The following ARHGEF11 variants were observed in gnomAD, a reference collection of about 807,000 sequenced individuals.
ARHGEF11 encodes Rho guanine nucleotide exchange factor 11, also known as Rho guanine exchange factor (GEF) 11.
Under a neutral mutation model 193.7 loss-of-function variants are expected in ARHGEF11, and 55 were observed. The ratio of observed to expected loss-of-function variants is 0.28; its 90% CI spans 0.23 to 0.36. The LOEUF (loss-of-function observed/expected upper bound fraction) is 0.36. Among genes scored for constraint, ARHGEF11 ranks in the 10% least tolerant of loss-of-function variants. The pLI, the probability that ARHGEF11 is intolerant of heterozygous loss-of-function variation, is 1.00. For missense variants in ARHGEF11, 1,723 were observed against 2,005.6 expected (o/e 0.86, Z 2.69); for synonymous variants, 693 against 768.0 (o/e 0.90, Z 1.62).
Position 156,950,165 on chromosome 1 carries a change from A to G in ARHGEF11, c.1925+1408T>C, listed in dbSNP as rs531386959. ...CGTATTTAACTTACCCATTAATGTT[A>G]GAACTCAACCTTCCCCCAGTACAAA... On this transcript the variant is annotated intron_variant, in intron 22 of 40. Transcript: ENST00000368194. 2.6e-5 allele frequency among the ~76,000 whole-genome samples: 4 copies of G among 152,358 alleles called. No individual in the cohort carries two copies. In the South Asian group the frequency reaches 8.3e-4, roughly 32 times the overall value.
In ARHGEF11 at chr1:156,948,176, C is replaced by A; in HGVS notation, c.2153+5G>T. 6.4e-7 allele frequency: 1 copy of A among 1,562,198 alleles called. No individual in the cohort carries two copies. Among genetic ancestry groups the A allele is most frequent in the Non-Finnish European group, 8.7e-7 (1 of 1,152,182 alleles). On this transcript the variant is annotated splice_donor_5th_base_variant and intron_variant, in intron 24 of 40. Transcript: ENST00000368194. The surrounding 1 kb of genome is among the most constrained non-coding windows in gnomAD (Gnocchi z 4.2). ...AACAGAGGCACCACCGTGCCCATCA[C>A]TTACCTGCGGCCCATTTTGGGAGTG...
chr1:157,040,517 G>A (rs940206141), intron 1 of ARHGEF11, among the ~76,000 whole-genome samples: 6 of 152,204 alleles, frequency 3.9e-5, no homozygotes, highest in African/African-American at 1.2e-4. Context: ...GGTGAGCCAA[G>A]GTAGATGAAG....
intron 1 of ARHGEF11, among the ~76,000 whole-genome samples, chr1:156,996,348 G>A (rs539000627): frequency 6.6e-6 from 1 of 152,200 alleles, no homozygotes; most frequent in South Asian, 2.1e-4. Context: ...GAGAGGAGGT[G>A]GACTTTAACC....
intron 3 of ARHGEF11, among the ~76,000 whole-genome samples, chr1:156,983,886 T>A (rs1664555113): frequency 6.6e-6 from 1 of 152,250 alleles, no homozygotes; most frequent in Non-Finnish European, 1.5e-5. Context: ...TATTATTTAA[T>A]GTTAATTGTA....
chr1:156,938,689 T>C (rs1266362907), intron 37 of ARHGEF11, 176 bp from the exon 38 acceptor site: 10 of 526,142 alleles, frequency 1.9e-5, no homozygotes, highest in Non-Finnish European at 3.3e-5. Context: ...CAGAGAACTT[T>C]CCACCAATTC....
chr1:157,031,435 T>A (rs1257383546), intron 1 of ARHGEF11, among the ~76,000 whole-genome samples: 1 of 152,154 alleles, frequency 6.6e-6, no homozygotes. Flanking sequence ...GGTTTCCCAT[T>A]ACTTAATTAA....
intron 21 of ARHGEF11, among the ~76,000 whole-genome samples, chr1:156,953,103 C>G (rs1234757218): frequency 6.6e-6 from 1 of 152,024 alleles, no homozygotes; most frequent in Non-Finnish European, 1.5e-5. Flanking sequence ...ACTGAATGAC[C>G]CAGAGTAACA....
At chr1:156,960,148 G>C (rs533304782) in intron 15 of ARHGEF11, among the ~76,000 whole-genome samples, 1 of 152,176 alleles carries the variant, frequency 6.6e-6, no homozygotes, top group East Asian at 1.9e-4. Context: ...TGGCAGACAT[G>C]AACCCAGGTC....
chr1:156,976,093 C>T (rs1663211502), intron 7 of ARHGEF11, among the ~76,000 whole-genome samples: 1 of 152,200 alleles, frequency 6.6e-6, no homozygotes, highest in African/African-American at 2.4e-5. Context: ...CCAACACCCA[C>T]CCCTAACATT....
chr1:156,986,132 C>A lies in ARHGEF11; in HGVS notation c.74G>T (p.Arg25Leu), dbSNP rs775705969. The A allele has an allele frequency of 1.2e-6, 2 of 1,613,854 alleles. No homozygotes were observed. Among genetic ancestry groups the A allele is most frequent in the South Asian group, 1.1e-5 (1 of 91,066 alleles). ...LSSLGDSAPE[R>L]KSPSHHRQPS... ...CTGGCGATGGTGGGAAGGGGACTTG[C>A]GCTCTGGTGCAGAATCTCCCAGAGA... The change falls in exon 2 of 41, where the codon CGC (arginine) becomes CTC (leucine). Residue 25 changes from arginine to leucine, a missense_variant. This residue lies in a region of ARHGEF11 where 646 missense variants were observed against 710.7 expected (regional missense o/e 0.91). Coordinates refer to ENST00000368194, the MANE Select transcript of ARHGEF11 (RefSeq NM_198236.3).
rs962497593 is a variant in ARHGEF11, at chr1:156,948,417, G to T, written c.2007C>A (p.Asn669Lys). 6.2e-7 allele frequency: 1 copy of T among 1,614,232 alleles called. No individual in the cohort carries two copies. Among genetic ancestry groups the T allele is most frequent in the East Asian group, 2.2e-5 (1 of 44,892 alleles). Residue 669 changes from asparagine (N) to lysine (K), a missense_variant, in exon 23 of 41, where the codon AAC (asparagine) becomes AAA (lysine). Asn to Lys is a moderately conservative substitution (Grantham distance 94). Around this residue, in one of 5 missense-constraint regions of ARHGEF11, gnomAD observed 491 missense variants for 654.5 expected, o/e 0.75. Transcript: ENST00000368194. This position sits in a 1 kb window ranked among gnomAD's most constrained non-coding sequence, Gnocchi z 4.2. ...EEMKRSRKAE[N>K]VPRSRSDVDM... Reference sequence around the variant, plus strand: ...CAACATCACTGCGAGAGCGGGGCACGTTCTCTGCCTTTCGAGACCGTTTCA... The same window carrying T: ...CAACATCACTGCGAGAGCGGGGCACTTTCTCTGCCTTTCGAGACCGTTTCA...
intron 1 of ARHGEF11, among the ~76,000 whole-genome samples, chr1:156,987,880 C>T (rs532765330): frequency 6.5e-4 from 99 of 152,258 alleles, no homozygotes; most frequent in Middle Eastern, 3.4e-3. Context: ...ATGGTTGGTT[C>T]GAAGAAAAAC....
intron 7 of ARHGEF11, among the ~76,000 whole-genome samples, chr1:156,976,524 A>G (rs916743092): frequency 1.7e-4 from 26 of 152,198 alleles, no homozygotes; most frequent in African/African-American, 5.3e-4. Context: ...ATGGATGGCT[A>G]TAATAGGAAT....
chr1:156,967,885 G>A (rs1661917661), intron 11 of ARHGEF11, 102 bp downstream of exon 11: 3 of 1,544,274 alleles, frequency 1.9e-6, no homozygotes, highest in African/African-American at 1.4e-5. Context: ...GCTGAAGCAG[G>A]GGTTTAGTCT....
intron 1 of ARHGEF11, among the ~76,000 whole-genome samples, chr1:157,012,477 G>A (rs938240017): frequency 2.6e-5 from 4 of 152,174 alleles, no homozygotes; most frequent in Non-Finnish European, 5.9e-5. Flanking sequence ...TTTATGATAT[G>A]TGCAATATAT....
rs80087188 is a variant in ARHGEF11, at chr1:156,964,356, A to G, written c.964-762T>C. ...GCTTCACTGAACAAATTTTTCTCCT[A>G]AAGGTTCCTTGAGCTTTCAAAGCTT... On this transcript the variant is annotated intron_variant, in intron 11 of 40. Transcript: ENST00000368194. Among the ~76,000 whole-genome samples the G allele has an allele frequency of 5.3e-3, 812 of 152,296 alleles. 9 individuals are homozygous for G. The highest frequency in any genetic ancestry group is 0.019 in the African/African-American group (776 of 41,556).
intron 1 of ARHGEF11, among the ~76,000 whole-genome samples, chr1:156,996,531 A>C (rs916490245): frequency 2.0e-5 from 3 of 152,186 alleles, no homozygotes; most frequent in Non-Finnish European, 4.4e-5. Context: ...CAAGAGATAA[A>C]ATTAAAAAGA....
At chr1:156,994,260 C>T (rs7542311) in intron 1 of ARHGEF11, among the ~76,000 whole-genome samples, 36,073 of 152,034 alleles carry the variant, frequency 0.24, 4,557 homozygotes, top group East Asian at 0.44. Flanking sequence ...TAGTGAGGGT[C>T]GCTCCAAAAA....
intron 1 of ARHGEF11, among the ~76,000 whole-genome samples, chr1:156,987,250 C>A (rs1272586588): frequency 6.6e-6 from 1 of 152,168 alleles, no homozygotes; most frequent in Non-Finnish European, 1.5e-5. Flanking sequence ...TGGCAAAGCA[C>A]TGGAAATAAT....
Sources: gnomAD v4.1 joint callset for allele counts (sites outside exome capture counted in the v4.1 genomes callset) on GRCh38, gnomAD v4.1.1 for gene constraint, gnomAD v4.1.1 regional missense constraint, Gnocchi (gnomAD v3.1) non-coding constraint, MANE v1.5 for transcripts, NCBI Gene and HGNC (gene_info 2026-07-23, HGNC 2026-07-21) for gene names.